SOX6: variants seen among roughly 807,000 people sequenced by gnomAD.
SOX6 encodes the protein transcription factor SOX-6.
Under a neutral mutation model 97.8 loss-of-function variants are expected in SOX6, and 11 were observed. That is an observed-to-expected ratio of 0.11 (90% CI 0.07 to 0.19). The LOEUF is 0.19. Ranked by LOEUF, SOX6 falls within the 10% of genes least tolerant of loss-of-function variation. SOX6 has a pLI of 1.00. For synonymous variants in SOX6, 360 were observed against 371.4 expected (o/e 0.97, Z 0.35); for missense variants, 810 against 1,039.5 (o/e 0.78, Z 3.04).
chr11:16,498,608 A>T (rs1340583591), intron 4 of SOX6, among the ~76,000 whole-genome samples: 1 of 152,220 alleles, frequency 6.6e-6, no homozygotes, highest in African/African-American at 2.4e-5. Context: ...AAAGGGATGG[A>T]GGAAGATCTA....
At chr11:16,004,028 A>G (rs1854479790) in intron 13 of SOX6, among the ~76,000 whole-genome samples, 1 of 151,500 alleles carries the variant, frequency 6.6e-6, no homozygotes, top group Admixed American at 6.6e-5. Context: ...ATATATATAT[A>G]CACACACACA....
intron 4 of SOX6, among the ~76,000 whole-genome samples, chr11:16,202,111 G>T (rs1346312515): frequency 6.6e-6 from 1 of 151,992 alleles, no homozygotes; most frequent in Non-Finnish European, 1.5e-5. Context: ...AAATGCCCAT[G>T]TAAAAAATGA....
intron 3 of SOX6, chr11:16,318,128 A>C: frequency 2.6e-6 from 1 of 388,470 alleles, no homozygotes; most frequent in Non-Finnish European, 4.8e-6. Context: ...GGGGAGAAAA[A>C]ATGAAAAATA....
At chr11:16,386,738 G>A (rs1273446141) in intron 1 of SOX6, among the ~76,000 whole-genome samples, 1 of 151,920 alleles carries the variant, frequency 6.6e-6, no homozygotes, top group African/African-American at 2.4e-5. Flanking sequence ...CTAATGTATA[G>A]TCACCATCCT....
chr11:16,330,486 GGC>G (rs1856255972), intron 2 of SOX6, among the ~76,000 whole-genome samples: 1 of 152,176 alleles, frequency 6.6e-6, no homozygotes, highest in South Asian at 2.1e-4. Context: ...GAACCCAGAA[GGC>G]GGAGGTTCCA....
intron 10 of SOX6, among the ~76,000 whole-genome samples, chr11:16,051,022 G>A (rs1269813325): frequency 4.0e-5 from 6 of 151,798 alleles, no homozygotes; most frequent in Non-Finnish European, 8.8e-5. Flanking sequence ...GACCTTGCTG[G>A]GGCTCAATTT....
intron 12 of SOX6, among the ~76,000 whole-genome samples, chr11:16,038,773 A>G (rs1328192265): frequency 2.0e-5 from 3 of 152,174 alleles, no homozygotes; most frequent in African/African-American, 7.2e-5. Flanking sequence ...GCAAACAAGT[A>G]TTCAATGTCA....
intron 4 of SOX6, among the ~76,000 whole-genome samples, chr11:16,537,408 A>T (rs1861326263): frequency 6.6e-6 from 1 of 152,082 alleles, no homozygotes; most frequent in Non-Finnish European, 1.5e-5. Flanking sequence ...AAACCAGAGC[A>T]CTTCTTCTCC....
chr11:16,206,741 C>T (rs151155397), intron 4 of SOX6, among the ~76,000 whole-genome samples: 9 of 152,164 alleles, frequency 5.9e-5, no homozygotes, highest in Non-Finnish European at 8.8e-5. Context: ...GAATGAAGAA[C>T]AAAAGTAGCG....
At chr11:16,539,677 A>G (rs1861371303) in intron 4 of SOX6, among the ~76,000 whole-genome samples, 1 of 152,244 alleles carries the variant, frequency 6.6e-6, no homozygotes, top group South Asian at 2.1e-4. Flanking sequence ...CTACCATCAG[A>G]GAATACTATA....
At chr11:16,508,835 G>T (rs1860833192) in intron 4 of SOX6, among the ~76,000 whole-genome samples, 2 of 151,922 alleles carry the variant, frequency 1.3e-5, no homozygotes. Flanking sequence ...GAGAGGACTT[G>T]AAATGTTCCC....
At chr11:16,523,469 A>G (rs1298393722) in intron 4 of SOX6, among the ~76,000 whole-genome samples, 1 of 152,152 alleles carries the variant, frequency 6.6e-6, no homozygotes, top group African/African-American at 2.4e-5. Flanking sequence ...AATCTCTGGG[A>G]CACATTCAAA....
chr11:16,485,286 C>A (rs866157605), intron 4 of SOX6, among the ~76,000 whole-genome samples: 1 of 151,932 alleles, frequency 6.6e-6, no homozygotes, highest in South Asian at 2.1e-4. Flanking sequence ...CTACACAAAA[C>A]AAAACAAAAA....
chr11:16,616,712 A>G (rs1848474805), intron 3 of SOX6, among the ~76,000 whole-genome samples: 1 of 151,970 alleles, frequency 6.6e-6, no homozygotes, highest in African/African-American at 2.4e-5. Flanking sequence ...ATCCTGTTCA[A>G]TATTTGATAA....
intron 6 of SOX6, among the ~76,000 whole-genome samples, chr11:16,177,763 G>C (rs2134093522): frequency 6.6e-6 from 1 of 151,844 alleles, no homozygotes; most frequent in Admixed American, 6.6e-5. Context: ...ATAGAAGAGA[G>C]ACATTTTCCT....
intron 12 of SOX6, among the ~76,000 whole-genome samples, chr11:16,044,063 A>G (rs1855755392): frequency 6.6e-6 from 1 of 152,042 alleles, no homozygotes; most frequent in Non-Finnish European, 1.5e-5. Context: ...AAAAAATTAA[A>G]ACTTGTTTAT....
At chr11:16,126,095 A>AT in intron 6 of SOX6, among the ~76,000 whole-genome samples, 1 of 152,206 alleles carries the variant, frequency 6.6e-6, no homozygotes, top group Middle Eastern at 3.4e-3. Flanking sequence ...TACCCATGAT[A>AT]TGTGAGTCAC....
At position 16,699,068 on chromosome 11, in the gene SOX6, T is replaced by TC. The variant is rs1411626763; in HGVS notation, n.429+15761dup. Among the ~76,000 whole-genome samples, 7 of 152,348 alleles carry TC rather than the reference T, an allele frequency of 4.6e-5. No individual in the cohort carries two copies. In the East Asian group the frequency reaches 1.3e-3, roughly 29 times the overall value. On this transcript the variant is annotated intron_variant and non_coding_transcript_variant, in intron 3 of 5. Transcript: ENST00000524520. ...CCTTCAATTTGCAAAAGATGCAGTA[T>TC]CTGCAAAGCACAAGAAAATGAGGTA...
At chr11:16,720,206 G>A (rs1429778472) in intron 2 of SOX6, among the ~76,000 whole-genome samples, 2 of 150,870 alleles carry the variant, frequency 1.3e-5, no homozygotes, top group Non-Finnish European at 3.0e-5. Context: ...TATACCCAAA[G>A]GACTATAAAT....
Sources: gnomAD v4.1 joint callset for allele counts (sites outside exome capture counted in the v4.1 genomes callset) on GRCh38, gnomAD v4.1.1 for gene constraint, MANE v1.5 for transcripts, NCBI Gene and HGNC (gene_info 2026-07-23, HGNC 2026-07-21) for gene names.